The following ART1 variants were observed in gnomAD, a reference collection of about 807,000 sequenced individuals.
ART1 encodes the protein ADP-ribosyltransferase 1.
Under a neutral mutation model 27.0 loss-of-function variants are expected in ART1, and 29 were observed. The ratio of observed to expected loss-of-function variants is 1.08; its 90% CI spans 0.80 to 1.47. ART1 has a LOEUF of 1.47. Ranked by LOEUF, ART1 falls within the 40% of genes most tolerant of loss-of-function variation. ART1 has a pLI of 0.00. For synonymous variants in ART1, 201 were observed against 172.2 expected, an observed-to-expected ratio of 1.17 and a Z score of -1.31; for missense variants, 480 against 423.0, an observed-to-expected ratio of 1.13 and a Z score of -1.18.
rs542062887 is a variant in ART1 at position 3,653,347 on chromosome 11, C to T, written c.-52-5815C>T. ...CCACCACAAAAGAAGTGAAAATGGC[C>T]GGTTCCTGCCTTAACTGATGACATT... On this transcript the variant is annotated intron_variant, in intron 1 of 4. Transcript: ENST00000250693. Among the ~76,000 whole-genome samples, 39 of 148,280 alleles carry T rather than the reference C, an allele frequency of 2.6e-4. 4 individuals are homozygous for T. Among genetic ancestry groups the T allele is most frequent in the African/African-American group, 7.1e-4 (27 of 38,196 alleles).
chr11:3,657,249 G>T (rs1438284076), intron 1 of ART1, among the ~76,000 whole-genome samples: 1 of 152,130 alleles, frequency 6.6e-6, no homozygotes, highest in Non-Finnish European at 1.5e-5. Flanking sequence ...AAAACATAAA[G>T]ACCCATTGAC....
At chr11:3,647,101 A>G (rs1220631676) in intron 1 of ART1, among the ~76,000 whole-genome samples, 1 of 152,146 alleles carries the variant, frequency 6.6e-6, no homozygotes, top group African/African-American at 2.4e-5. Flanking sequence ...CGGGCAGCGG[A>G]TCACCTGAGG....
At chr11:3,649,245 T>G (rs1036878790) in intron 1 of ART1, among the ~76,000 whole-genome samples, 1 of 152,180 alleles carries the variant, frequency 6.6e-6, no homozygotes, top group Non-Finnish European at 1.5e-5. Context: ...ACACCTGACC[T>G]AAAACCTAAA....
At chr11:3,661,466 TG>T (rs1347085000) in intron 4 of ART1, 53 bp downstream of exon 4, 3 of 1,244,518 alleles carry the variant, frequency 2.4e-6, no homozygotes, top group Middle Eastern at 2.4e-4. Context: ...CAGGCTGCTC[TG>T]GGGTTGGCCC....
chr11:3,652,650 T>C (rs2077533891), intron 1 of ART1, among the ~76,000 whole-genome samples: 1 of 152,048 alleles, frequency 6.6e-6, no homozygotes, highest in South Asian at 2.1e-4. Flanking sequence ...ACTTAGACTG[T>C]GCCCCAAAAG....
intron 1 of ART1, among the ~76,000 whole-genome samples, chr11:3,653,697 A>C (rs1027256272): frequency 2.0e-5 from 3 of 152,116 alleles, no homozygotes; most frequent in African/African-American, 4.8e-5. Context: ...TTCTAGTTTA[A>C]AGAATGGAAA....
At position 3,661,382 on chromosome 11, in the gene ART1, C is replaced by A; in HGVS notation, c.855C>A (p.Cys285Ter). Reference protein sequence around the residue: ...YNCEYIKDKKCKSGPCHLDNS... With the variant: ...YNCEYIKDKK ...GTTTCTTTTCTATAGACAAGAAGTG[C>A]AAGTCTGGGCCTTGCCATCTGGATA... Residue 285 changes from cysteine to a stop codon, truncating the protein, a stop_gained, in exon 4 of 5, where the codon TGC (cysteine) becomes TGA (stop). Transcript: ENST00000250693. LOFTEE classifies it low-confidence loss of function (END_TRUNC). 3 of 1,612,376 alleles carry A rather than the reference C, an allele frequency of 1.9e-6. No homozygotes were observed. Among genetic ancestry groups the A allele is most frequent in the Non-Finnish European group, 2.5e-6 (3 of 1,179,446 alleles).
At position 3,663,033 on chromosome 11, in the gene ART1, A is replaced by ATCTCATCTCATCTCATC. The variant is rs756357966; in HGVS notation, c.887-1057_887-1056insTCATCTCATCTCATCTC. 3.8e-4 allele frequency among the ~76,000 whole-genome samples: 31 copies of ATCTCATCTCATCTCATC among 82,408 alleles called. 2 individuals carry two copies. Among genetic ancestry groups the ATCTCATCTCATCTCATC allele is most frequent in the African/African-American group, 1.2e-3 (26 of 20,864 alleles). The allele number at this position is 82,408 out of a possible 152,430, so 54.1% of individuals were successfully genotyped here. A position where few individuals can be genotyped will look rare whatever the true frequency, so the allele number is the denominator to read the frequency against. ...TCATCTCATCATCTCATCTCATCTCATCATCTCATCTCATCTCATCTCATC... is the reference window on the plus strand; with the variant it reads ...TCATCTCATCATCTCATCTCATCTCATCTCATCTCATCTCATCTCATCTCATCTCATCTCATCTCATC... On this transcript the variant is annotated intron_variant, in intron 4 of 4. Coordinates refer to ENST00000250693, the MANE Select transcript of ART1 (RefSeq NM_004314.3).
Position 3,655,084 on chromosome 11 carries a change from A to T in ART1, c.-52-4078A>T, listed in dbSNP as rs550344165. Among the ~76,000 whole-genome samples the T allele has an allele frequency of 1.3e-3, 198 of 152,220 alleles. 1 individual carries two copies. The highest frequency in any genetic ancestry group is 3.9e-3 in the South Asian group (19 of 4,818). ...ACGGCAAGTGGCTTATCTAAACTGG[A>T]CTTGGTTGGGCAGCTCTGCTCAGGC... On this transcript the variant is annotated intron_variant, in intron 1 of 4. Transcript: ENST00000250693.
At chr11:3,656,355 C>CTTGCTTAT (rs2077574269) in intron 1 of ART1, among the ~76,000 whole-genome samples, 2 of 140,080 alleles carry the variant, frequency 1.4e-5, no homozygotes, top group African/African-American at 5.0e-5. Flanking sequence ...TGTAGCCTGG[C>CTTGCTTAT]TTATTTATTT....
chr11:3,656,341 C>A (rs2077574167), intron 1 of ART1, among the ~76,000 whole-genome samples: 1 of 150,852 alleles, frequency 6.6e-6, no homozygotes, highest in South Asian at 2.1e-4. Flanking sequence ...TGCACCACCA[C>A]ACCTGTAGCC....
chr11:3,660,384 C>A (rs1016131400), intron 3 of ART1, 21 bp downstream of exon 3: 3 of 1,585,508 alleles, frequency 1.9e-6, no homozygotes, highest in South Asian at 2.2e-5. Context: ...AAGCGCTGGT[C>A]GGCACCTGTG....
chr11:3,649,187 C>G (rs982925964), intron 1 of ART1, among the ~76,000 whole-genome samples: 1 of 152,164 alleles, frequency 6.6e-6, no homozygotes, highest in Admixed American at 6.5e-5. Flanking sequence ...CTCCGTTCCT[C>G]CGTCTCCCTT....
chr11:3,659,078 T>G, intron 1 of ART1, 84 bp from the exon 2 acceptor site: 1 of 800,934 alleles, frequency 1.2e-6, no homozygotes, highest in Admixed American at 2.3e-5. Context: ...CTTATGACTC[T>G]CAGTGCCAAG....
intron 1 of ART1, among the ~76,000 whole-genome samples, chr11:3,648,192 T>C (rs1469898980): frequency 2.6e-5 from 4 of 152,096 alleles, no homozygotes; most frequent in Non-Finnish European, 4.4e-5. Context: ...GGCCCCACCC[T>C]TATCTCCCTT....
At chr11:3,650,509 C>T (rs2077512303) in intron 1 of ART1, among the ~76,000 whole-genome samples, 1 of 152,180 alleles carries the variant, frequency 6.6e-6, no homozygotes, top group Non-Finnish European at 1.5e-5. Context: ...CCTTCTTAAT[C>T]AATATGGAGG....
At chr11:3,648,479 T>A (rs1565038032) in intron 1 of ART1, among the ~76,000 whole-genome samples, 2 of 152,102 alleles carry the variant, frequency 1.3e-5, no homozygotes, top group African/African-American at 4.8e-5. Flanking sequence ...TTTACTCACT[T>A]CTCCAACCTC....
intron 1 of ART1, among the ~76,000 whole-genome samples, chr11:3,653,219 A>G (rs565572128): frequency 1.3e-5 from 2 of 148,974 alleles, no homozygotes; most frequent in South Asian, 4.3e-4. Context: ...TAATATAAGA[A>G]GACAGGAATG....
chr11:3,646,058 GTTTT>G (rs761472984), intron 1 of ART1, among the ~76,000 whole-genome samples: 23 of 150,304 alleles, frequency 1.5e-4, no homozygotes, highest in African/African-American at 2.2e-4. Flanking sequence ...TTGTTTGTTT[GTTTT>G]GTTTTTTTTT....
Sources: gnomAD v4.1 joint callset for allele counts (sites outside exome capture counted in the v4.1 genomes callset) on GRCh38, gnomAD v4.1.1 for gene constraint, MANE v1.5 for transcripts, NCBI Gene and HGNC (gene_info 2026-07-23, HGNC 2026-07-21) for gene names.